The following STXBP4 variants were observed in gnomAD, a reference collection of about 807,000 sequenced individuals.
The protein encoded by STXBP4 is syntaxin binding protein 4, also known as syntaxin-binding protein 4.
In STXBP4, 55 loss-of-function variants were observed where a neutral mutation model predicts 76.1. The ratio of observed to expected loss-of-function variants is 0.72; its 90% CI spans 0.58 to 0.91. The LOEUF (loss-of-function observed/expected upper bound fraction) is 0.91. STXBP4 is among the 40% of genes least tolerant of loss of function. The pLI is 0.00. For synonymous variants in STXBP4, 201 were observed against 220.2 expected (o/e 0.91, Z 0.77); for missense variants, 618 against 636.9 (o/e 0.97, Z 0.32).
rs755979690 is a variant in STXBP4 at position 55,078,109 on chromosome 17, T to A, written c.1220T>A (p.Met407Lys). The A allele has an allele frequency of 6.2e-7, 1 of 1,611,016 alleles. No homozygotes were observed. The highest frequency in any genetic ancestry group is 1.3e-5 in the African/African-American group (1 of 74,732). The change falls in exon 14 of 18, where the codon ATG (methionine) becomes AAG (lysine). Residue 407 changes from methionine (M) to lysine (K), a missense_variant. By Grantham distance (95) the Met-to-Lys change is moderately conservative. Transcript: ENST00000376352. ...ESVQDLKKRI[M>K]VLDCQLRKSE... ...GTTCAGGATTTAAAAAAGAGAATCA[T>A]GGTACTCGACTGCCAATTACGAAAA...
intron 12 of STXBP4, among the ~76,000 whole-genome samples, chr17:55,056,816 G>A (rs953464041): frequency 1.3e-5 from 2 of 152,122 alleles, no homozygotes; most frequent in Non-Finnish European, 1.5e-5. Context: ...ATTCCAGCCT[G>A]GGCAGCATGG....
At chr17:55,194,181 C>T in the STXBP4 span, among the ~76,000 whole-genome samples, 1 of 152,154 alleles carries the variant, frequency 6.6e-6, no homozygotes, top group Non-Finnish European at 1.5e-5. Flanking sequence ...GGTCATACAA[C>T]TTGCCCTGAA....
the STXBP4 span, among the ~76,000 whole-genome samples, chr17:55,204,845 A>ATACACACACACAC: frequency 6.3e-5 from 1 of 15,952 alleles, no homozygotes; most frequent in Admixed American, 6.7e-4. Flanking sequence ...CACACACACA[A>ATACACACACACAC]ACACACATAC....
chr17:55,064,789 T>G (rs2079031041), intron 12 of STXBP4, among the ~76,000 whole-genome samples: 1 of 152,166 alleles, frequency 6.6e-6, no homozygotes, highest in Non-Finnish European at 1.5e-5. Context: ...CAGTCTAATT[T>G]TTTTTGAAGT....
intron 4 of STXBP4, among the ~76,000 whole-genome samples, chr17:54,992,717 T>C (rs1356780332): frequency 3.5e-5 from 5 of 144,430 alleles, no homozygotes; most frequent in Admixed American, 2.1e-4. Context: ...TTTTTTTTTT[T>C]TTTTTTTTTT....
chr17:55,099,921 AC>A (rs1230165410), intron 16 of STXBP4, among the ~76,000 whole-genome samples: 1 of 152,184 alleles, frequency 6.6e-6, no homozygotes, highest in African/African-American at 2.4e-5. Context: ...TCAGAGCAAC[AC>A]ACCTTATAGA....
the STXBP4 span, among the ~76,000 whole-genome samples, chr17:55,192,670 A>G: frequency 6.6e-6 from 1 of 152,164 alleles, no homozygotes. Flanking sequence ...TTTGCTAAAC[A>G]CTTTGTACAT....
At chr17:54,977,020 A>T (rs1021383576) in intron 1 of STXBP4, among the ~76,000 whole-genome samples, 1 of 152,022 alleles carries the variant, frequency 6.6e-6, no homozygotes, top group Non-Finnish European at 1.5e-5. Context: ...AGGGAGAGGG[A>T]TACAAATTTC....
At chr17:55,143,665 C>G (rs1183334989) in intron 17 of STXBP4, among the ~76,000 whole-genome samples, 1 of 152,132 alleles carries the variant, frequency 6.6e-6, no homozygotes, top group African/African-American at 2.4e-5. Flanking sequence ...TCAATAAGCC[C>G]TTTGGCTGCC....
At chr17:55,184,028 C>CT in the STXBP4 span, among the ~76,000 whole-genome samples, 3 of 151,400 alleles carry the variant, frequency 2.0e-5, no homozygotes, top group Admixed American at 6.6e-5. Context: ...GTAAAATACA[C>CT]TTTTTTTTTC....
chr17:55,154,978 C>T (rs2080260706), intron 17 of STXBP4, among the ~76,000 whole-genome samples: 1 of 151,930 alleles, frequency 6.6e-6, no homozygotes, highest in Admixed American at 6.6e-5. Flanking sequence ...TGGATGAGAT[C>T]CTGCTAATAT....
intron 11 of STXBP4, among the ~76,000 whole-genome samples, chr17:55,045,358 C>T (rs1203290700): frequency 2.0e-5 from 3 of 151,994 alleles, no homozygotes; most frequent in Non-Finnish European, 4.4e-5. Flanking sequence ...TAGAAAACTT[C>T]CCCAGTGTTG....
At chr17:55,069,053 C>T (rs531479856) in intron 12 of STXBP4, among the ~76,000 whole-genome samples, 2 of 150,374 alleles carry the variant, frequency 1.3e-5, no homozygotes, top group Admixed American at 6.7e-5. Context: ...TCAAAGAAGA[C>T]TTTGGTCTGC....
At chr17:55,013,820 G>T (rs2787494) in intron 8 of STXBP4, among the ~76,000 whole-genome samples, 1 of 152,072 alleles carries the variant, frequency 6.6e-6, no homozygotes, top group Non-Finnish European at 1.5e-5. Context: ...GTAAAACAGT[G>T]CAGGTGAGTT....
chr17:55,039,821 G>A (rs934032108), intron 10 of STXBP4, among the ~76,000 whole-genome samples: 1 of 152,072 alleles, frequency 6.6e-6, no homozygotes, highest in African/African-American at 2.4e-5. Flanking sequence ...AGGGAAATAA[G>A]GAGAAAGCCT....
At chr17:55,041,830 A>G (rs1185107843) in intron 10 of STXBP4, among the ~76,000 whole-genome samples, 1 of 152,154 alleles carries the variant, frequency 6.6e-6, no homozygotes, top group Non-Finnish European at 1.5e-5. Flanking sequence ...ATCATATACC[A>G]CTACCACCAT....
At chr17:55,209,393 G>A in the STXBP4 span, among the ~76,000 whole-genome samples, 3 of 152,106 alleles carry the variant, frequency 2.0e-5, no homozygotes, top group African/African-American at 7.2e-5. Context: ...TCATACGCAG[G>A]CCCAGCTGAG....
intron 11 of STXBP4, 43 bp downstream of exon 11, chr17:55,043,368 A>G (rs2078735381): frequency 8.5e-7 from 1 of 1,183,238 alleles, no homozygotes; most frequent in African/African-American, 1.6e-5. Context: ...TCAGAAAAAA[A>G]AGAAAAAGAA....
chr17:55,029,796 G>T (rs759534021), intron 8 of STXBP4, among the ~76,000 whole-genome samples: 25 of 151,804 alleles, frequency 1.6e-4, no homozygotes, highest in Non-Finnish European at 3.4e-4. Flanking sequence ...CTTTACAGTT[G>T]TTCTCACCCT....
Sources: gnomAD v4.1 joint callset for allele counts (sites outside exome capture counted in the v4.1 genomes callset) on GRCh38, gnomAD v4.1.1 for gene constraint, MANE v1.5 for transcripts, NCBI Gene and HGNC (gene_info 2026-07-23, HGNC 2026-07-21) for gene names.